LEPR: variants seen among roughly 807,000 people sequenced by gnomAD.
LEPR encodes leptin receptor.
Under a neutral mutation model 114.7 loss-of-function variants are expected in LEPR, and 56 were observed. The observed-to-expected ratio is 0.49, with a 90% CI of 0.39 to 0.61. The LOEUF (loss-of-function observed/expected upper bound fraction) is 0.61. Among genes scored for constraint, LEPR ranks in the 20% least tolerant of loss-of-function variants. The probability of loss-of-function intolerance (pLI) is 0.00; values close to 1 mark genes in which losing one functional copy is unlikely to be tolerated. For synonymous variants in LEPR, 443 were observed against 461.4 expected, an observed-to-expected ratio of 0.96 and a Z score of 0.51; for missense variants, 1,202 against 1,352.9, an observed-to-expected ratio of 0.89 and a Z score of 1.75.
chr1:65,532,407 A>G (rs775929538), intron 2 of LEPR, among the ~76,000 whole-genome samples: 43 of 152,176 alleles, frequency 2.8e-4, no homozygotes, highest in Admixed American at 7.9e-4. Flanking sequence ...AAGTGACATG[A>G]ATTATTTTCA....
chr1:65,465,560 G>A (rs1235052484), intron 2 of LEPR, among the ~76,000 whole-genome samples: 4 of 152,266 alleles, frequency 2.6e-5, no homozygotes, highest in African/African-American at 9.6e-5. Flanking sequence ...CCAGAGCTGA[G>A]TTCAAGTTCT....
At chr1:65,565,374 A>G (rs1313568006) in intron 2 of LEPR, among the ~76,000 whole-genome samples, 172 bp from the exon 3 acceptor site, 1 of 152,236 alleles carries the variant, frequency 6.6e-6, no homozygotes, top group East Asian at 1.9e-4. Flanking sequence ...GTACAGGAAT[A>G]AATCTGTAGC....
At chr1:65,490,869 C>T (rs1424304007) in intron 2 of LEPR, among the ~76,000 whole-genome samples, 1 of 152,080 alleles carries the variant, frequency 6.6e-6, no homozygotes, top group Middle Eastern at 3.2e-3. Context: ...TGCGTTTCCC[C>T]AGTTTCAACT....
Position 65,526,225 on chromosome 1 carries a change from T to C in LEPR, c.-20-39321T>C, listed in dbSNP as rs949395383. 8.1e-6 allele frequency: 8 copies of C among 985,202 alleles called. No individual in the cohort carries two copies. In the African/African-American group the frequency reaches 1.4e-4, roughly 17 times the overall value. 61.0% of individuals were successfully genotyped at this position (985,202 alleles called of 1,614,324 possible). On this transcript the variant is annotated intron_variant, in intron 2 of 19. Coordinates refer to ENST00000349533, the MANE Select transcript of LEPR (RefSeq NM_002303.6). ...GGGGTCCTGAAGAGAATTTGCTGGT[T>C]CGAATGACAAGAGAAAAAATAATTG...
chr1:65,549,742 T>A (rs1289216832), intron 2 of LEPR, among the ~76,000 whole-genome samples: 2 of 152,198 alleles, frequency 1.3e-5, no homozygotes, highest in Admixed American at 6.5e-5. Context: ...TTTCAACTTC[T>A]TTGCCTTTGG....
At chr1:65,534,267 A>G (rs574614109) in intron 2 of LEPR, among the ~76,000 whole-genome samples, 1 of 152,056 alleles carries the variant, frequency 6.6e-6, no homozygotes, top group Non-Finnish European at 1.5e-5. Context: ...CTCTATTTCT[A>G]TTGTTCAGTA....
intron 2 of LEPR, among the ~76,000 whole-genome samples, chr1:65,508,871 G>A (rs1163674814): frequency 6.6e-6 from 1 of 151,698 alleles, no homozygotes; most frequent in Non-Finnish European, 1.5e-5. Flanking sequence ...TTTCATCAAT[G>A]TTTTATAGTT....
At chr1:65,535,974 T>A (rs1650746334) in intron 2 of LEPR, among the ~76,000 whole-genome samples, 1 of 152,214 alleles carries the variant, frequency 6.6e-6, no homozygotes, top group Admixed American at 6.5e-5. Context: ...TGATTTCTCC[T>A]AATTACCCTT....
chr1:65,542,633 G>A (rs545170890), intron 2 of LEPR, among the ~76,000 whole-genome samples: 1 of 151,590 alleles, frequency 6.6e-6, no homozygotes, highest in Non-Finnish European at 1.5e-5. Context: ...CCCCCGACAG[G>A]CCCTGGTGTG....
At chr1:65,451,492 A>G (rs1158483694) in intron 2 of LEPR, among the ~76,000 whole-genome samples, 2 of 152,186 alleles carry the variant, frequency 1.3e-5, no homozygotes, top group East Asian at 1.9e-4. Context: ...AGCTTTCTAC[A>G]TATGGCTAGC....
rs1658746854 is a variant in LEPR, at chr1:65,637,167, CAT to C, written c.*154_*155del. 1 of 869,782 alleles carries C rather than the reference CAT, an allele frequency of 1.1e-6. No individual in the cohort carries two copies. Among genetic ancestry groups the C allele is most frequent in the Non-Finnish European group, 1.7e-6 (1 of 595,896 alleles). 53.9% of individuals were successfully genotyped at this position (869,782 alleles called of 1,614,324 possible). A position where few individuals can be genotyped will look rare whatever the true frequency, so the allele number is the denominator to read the frequency against. On this transcript the variant is annotated 3_prime_UTR_variant, in exon 20 of 20. Transcript: ENST00000349533. The stretch of plus-strand genomic sequence containing the variant: ...TTGTCTGTTTGTTCTCTCTTAGTAA[CAT>C]AGACAAAAAATTTGAGAAAGCCTTC...
intron 2 of LEPR, chr1:65,435,366 C>CTTTTTTTTTTTTTTTT (rs60757318): frequency 1.6e-6 from 1 of 628,802 alleles, no homozygotes; most frequent in Admixed American, 8.3e-5. Context: ...CTTTTCTTTT[C>CTTTTTTTTTTTTTTTT]TTTTTTTTTT....
Position 65,531,879 on chromosome 1 carries a change from G to A in LEPR, c.-20-33667G>A, listed in dbSNP as rs1276942936. On this transcript the variant is annotated intron_variant, in intron 2 of 19. Coordinates refer to ENST00000349533, the MANE Select transcript of LEPR (RefSeq NM_002303.6). Reference sequence around the variant, plus strand: ...ATCTACAAGTGTGCTAGTATACGAAGTTTCTTTAGAGCGTAAAACCAATAG... The same window carrying A: ...ATCTACAAGTGTGCTAGTATACGAAATTTCTTTAGAGCGTAAAACCAATAG... Among the ~76,000 whole-genome samples the A allele has an allele frequency of 4.1e-5, 6 of 146,736 alleles. No homozygotes were observed. The East Asian group carries it at 1.2e-3, about 28-fold the overall frequency.
At chr1:65,517,208 AG>A (rs982834755) in intron 2 of LEPR, among the ~76,000 whole-genome samples, 38 of 152,350 alleles carry the variant, frequency 2.5e-4, no homozygotes, top group African/African-American at 9.1e-4. Context: ...TGGTTCCTGC[AG>A]GGTATTGGTA....
At chr1:65,489,195 G>C (rs919491150) in intron 2 of LEPR, among the ~76,000 whole-genome samples, 6 of 152,118 alleles carry the variant, frequency 3.9e-5, no homozygotes, top group African/African-American at 1.4e-4. Context: ...CTTTCATATT[G>C]TTTGCCATAG....
intron 2 of LEPR, among the ~76,000 whole-genome samples, chr1:65,537,930 A>G (rs1385178265): frequency 2.0e-5 from 3 of 152,202 alleles, no homozygotes; most frequent in South Asian, 2.1e-4. Context: ...CACCCAAAGA[A>G]TGTTCCTAGA....
chr1:65,569,217 A>G (rs1326404754), intron 3 of LEPR, among the ~76,000 whole-genome samples: 1 of 152,148 alleles, frequency 6.6e-6, no homozygotes, highest in East Asian at 1.9e-4. Context: ...GATGAACATC[A>G]TGTTTACTTC....
chr1:65,545,519 T>A (rs1570653951), intron 2 of LEPR, among the ~76,000 whole-genome samples: 1 of 151,826 alleles, frequency 6.6e-6, no homozygotes, highest in Non-Finnish European at 1.5e-5. Context: ...TGAGATGGTA[T>A]CTCATTGTGG....
intron 10 of LEPR, among the ~76,000 whole-genome samples, chr1:65,604,480 G>T (rs1381364946): frequency 6.6e-6 from 1 of 152,084 alleles, no homozygotes; most frequent in Non-Finnish European, 1.5e-5. Context: ...TAGTAGCCAG[G>T]ACTACAGATG....
Sources: gnomAD v4.1 joint callset for allele counts (sites outside exome capture counted in the v4.1 genomes callset) on GRCh38, gnomAD v4.1.1 for gene constraint, MANE v1.5 for transcripts, NCBI Gene and HGNC (gene_info 2026-07-23, HGNC 2026-07-21) for gene names.